GALNT17: variants seen among roughly 807,000 people sequenced by gnomAD.
GALNT17 encodes the protein polypeptide N-acetylgalactosaminyltransferase 17, also known as UDP-GalNAc:polypeptide N-acetylgalactosaminyltransferase-like 3.
GALNT17 carries 29 observed loss-of-function variants against 63.7 expected under a neutral mutation model. The ratio of observed to expected loss-of-function variants is 0.46; its 90% CI spans 0.34 to 0.62. The LOEUF is 0.62. GALNT17 is among the 20% of genes least tolerant of loss of function. The pLI is 0.01. For synonymous variants in GALNT17, 305 were observed against 318.3 expected, an observed-to-expected ratio of 0.96 and a Z score of 0.45; for missense variants, 603 against 799.6, an observed-to-expected ratio of 0.75 and a Z score of 2.97.
intron 1 of GALNT17, among the ~76,000 whole-genome samples, chr7:71,279,485 C>T (rs1032888078): frequency 2.6e-5 from 4 of 151,796 alleles, no homozygotes; most frequent in African/African-American, 4.8e-5. Context: ...AACCTTCTTC[C>T]CTCTGTGTGT....
At chr7:71,285,104 A>G (rs1583828198) in intron 1 of GALNT17, among the ~76,000 whole-genome samples, 1 of 152,364 alleles carries the variant, frequency 6.6e-6, no homozygotes, top group Non-Finnish European at 1.5e-5. Flanking sequence ...GCTAAGTTAA[A>G]GAAAGCCGAC....
At chr7:71,165,560 C>T (rs1031045707) in intron 1 of GALNT17, among the ~76,000 whole-genome samples, 12 of 152,198 alleles carry the variant, frequency 7.9e-5, no homozygotes, top group East Asian at 1.9e-4. Flanking sequence ...ACAATAGCAC[C>T]GGAAAGATCT....
At chr7:71,304,938 T>G (rs2115901221) in intron 1 of GALNT17, among the ~76,000 whole-genome samples, 1 of 152,244 alleles carries the variant, frequency 6.6e-6, no homozygotes, top group South Asian at 2.1e-4. Flanking sequence ...AGACATAGGG[T>G]TTCACCATGT....
chr7:71,135,988 C>G (rs1047249945), intron 1 of GALNT17, among the ~76,000 whole-genome samples: 1 of 152,188 alleles, frequency 6.6e-6, no homozygotes, highest in African/African-American at 2.4e-5. Context: ...GCAGATGTTA[C>G]CATCCTGACT....
chr7:71,209,304 T>G (rs1443997201), intron 1 of GALNT17, among the ~76,000 whole-genome samples: 3 of 152,192 alleles, frequency 2.0e-5, no homozygotes, highest in Non-Finnish European at 4.4e-5. Context: ...TGTAGAGCTG[T>G]GATTTACTTA....
intron 5 of GALNT17, among the ~76,000 whole-genome samples, chr7:71,517,025 T>G (rs1788456328): frequency 6.6e-6 from 1 of 152,188 alleles, no homozygotes; most frequent in South Asian, 2.1e-4. Flanking sequence ...GCTCAGAGCT[T>G]GAAGTCACCC....
intron 1 of GALNT17, among the ~76,000 whole-genome samples, chr7:71,238,106 G>T (rs1236733156): frequency 6.6e-6 from 1 of 152,232 alleles, no homozygotes; most frequent in African/African-American, 2.4e-5. Context: ...AACAGAGCCA[G>T]AGCTGGGCAG....
intron 5 of GALNT17, among the ~76,000 whole-genome samples, chr7:71,446,139 A>C (rs1170621215): frequency 6.6e-6 from 1 of 152,216 alleles, no homozygotes; most frequent in Non-Finnish European, 1.5e-5. Context: ...GGAAGAAATA[A>C]GAATGATTTT....
intron 2 of GALNT17, among the ~76,000 whole-genome samples, chr7:71,387,421 G>GAC (rs1792966564): frequency 6.6e-6 from 1 of 151,584 alleles, no homozygotes; most frequent in Non-Finnish European, 1.5e-5. Flanking sequence ...GACCTCCCGG[G>GAC]CTCAAGTGAT....
chr7:71,678,759 C>A lies in GALNT17; in HGVS notation c.1500+1453C>A, dbSNP rs867955482. 1.3e-5 allele frequency among the ~76,000 whole-genome samples: 2 copies of A among 150,432 alleles called. 1 individual carries two copies. The highest frequency in any genetic ancestry group is 7.1e-3 in the Middle Eastern group (2 of 282). ...GCAGTGAGCCAAGATCGCAACACTG[C>A]ACTCCAGCCTGTGCGACAGAGTGAG... On this transcript the variant is annotated intron_variant, in intron 9 of 10. Coordinates refer to ENST00000333538, the MANE Select transcript of GALNT17 (RefSeq NM_022479.3).
chr7:71,265,116 A>ATTTTTTTTTTTTTT, intron 1 of GALNT17, among the ~76,000 whole-genome samples: 1 of 59,036 alleles, frequency 1.7e-5, no homozygotes, highest in Non-Finnish European at 3.3e-5. Context: ...ATATATATAT[A>ATTTTTTTTTTTTTT]TATTTTTTTT....
chr7:71,669,754 G>A (rs897345195), intron 7 of GALNT17, among the ~76,000 whole-genome samples: 1 of 151,728 alleles, frequency 6.6e-6, no homozygotes, highest in Non-Finnish European at 1.5e-5. Context: ...GTAGAGACGG[G>A]GTTTCGCCGT....
intron 5 of GALNT17, among the ~76,000 whole-genome samples, chr7:71,453,647 C>T (rs979407211): frequency 6.6e-6 from 1 of 152,158 alleles, no homozygotes; most frequent in African/African-American, 2.4e-5. Flanking sequence ...ACAGCCAAGC[C>T]ATATCAACAA....
In GALNT17 at chr7:71,298,049, C is replaced by G. The variant is rs550027147; in HGVS notation, c.239-37501C>G. On this transcript the variant is annotated intron_variant, in intron 1 of 10. Coordinates refer to ENST00000333538, the MANE Select transcript of GALNT17 (RefSeq NM_022479.3). The stretch of plus-strand genomic sequence containing the variant: ...TTTCTTTTATTTTTTGAGATGGAGA[C>G]TCACTCTGTTACTCAGGCTGGGGTG... 3.9e-5 allele frequency among the ~76,000 whole-genome samples: 6 copies of G among 152,314 alleles called. No individual in the cohort carries two copies. In the East Asian group the frequency reaches 1.2e-3, roughly 29 times the overall value.
At chr7:71,246,997 A>G (rs1790111417) in intron 1 of GALNT17, among the ~76,000 whole-genome samples, 1 of 151,268 alleles carries the variant, frequency 6.6e-6, no homozygotes, top group Non-Finnish European at 1.5e-5. Flanking sequence ...CTGGTCTTGA[A>G]CTCCTGGGCT....
chr7:71,481,699 C>A (rs886219398), intron 5 of GALNT17, among the ~76,000 whole-genome samples: 2 of 152,116 alleles, frequency 1.3e-5, no homozygotes, highest in Non-Finnish European at 2.9e-5. Flanking sequence ...GCCCCTGGAG[C>A]CCCTCCAGGT....
At chr7:71,706,249 C>T (rs1248962172) in intron 9 of GALNT17, among the ~76,000 whole-genome samples, 1 of 152,138 alleles carries the variant, frequency 6.6e-6, no homozygotes, top group Non-Finnish European at 1.5e-5. Flanking sequence ...ACTCAGGGGC[C>T]CTCCTCACCT....
At position 71,653,413 on chromosome 7, in the gene GALNT17, C is replaced by CTT. The variant is rs34997969; in HGVS notation, c.1081-11986_1081-11985dup. Among the ~76,000 whole-genome samples the CTT allele has an allele frequency of 4.7e-3, 698 of 147,036 alleles. 6 individuals are homozygous for CTT. The highest frequency in any genetic ancestry group is 0.016 in the African/African-American group (640 of 39,842). ...ATTGTTTCGACCTATAAAAGTAGGA[C>CTT]TTTTTTTTTTTTTAAGACTTTCTCT... On this transcript the variant is annotated intron_variant, in intron 6 of 10. Transcript: ENST00000333538.
chr7:71,286,936 G>A (rs1040838875), intron 1 of GALNT17, among the ~76,000 whole-genome samples: 3 of 151,124 alleles, frequency 2.0e-5, no homozygotes, highest in South Asian at 2.1e-4. Flanking sequence ...GACTACAGGC[G>A]CCTGCCACTA....
Sources: gnomAD v4.1 joint callset for allele counts (sites outside exome capture counted in the v4.1 genomes callset) on GRCh38, gnomAD v4.1.1 for gene constraint, MANE v1.5 for transcripts, NCBI Gene and HGNC (gene_info 2026-07-23, HGNC 2026-07-21) for gene names.